PCDHA11: variants seen among roughly 807,000 people sequenced by gnomAD.
The protein encoded by PCDHA11 is protocadherin alpha 11.
In PCDHA11, 61 loss-of-function variants were observed where a neutral mutation model predicts 70.3. That is an observed-to-expected ratio of 0.87 (90% CI 0.71 to 1.07). PCDHA11 has a LOEUF of 1.07. Among genes scored for constraint, PCDHA11 ranks in the 50% least tolerant of loss-of-function variants. PCDHA11 has a pLI of 0.00. For missense variants in PCDHA11, 1,324 were observed against 1,237.5 expected, an observed-to-expected ratio of 1.07 and a Z score of -1.05; for synonymous variants, 633 against 555.1, an observed-to-expected ratio of 1.14 and a Z score of -1.97.
chr5:140,977,839 C>G (rs1400370638), intron 1 of PCDHA11, among the ~76,000 whole-genome samples: 1 of 152,176 alleles, frequency 6.6e-6, no homozygotes, highest in South Asian at 2.1e-4. Context: ...ATTGATATTA[C>G]TATGGCTTTG....
chr5:140,947,784 T>C (rs2094176527), intron 1 of PCDHA11, among the ~76,000 whole-genome samples: 1 of 151,672 alleles, frequency 6.6e-6, no homozygotes, highest in Non-Finnish European at 1.5e-5. Context: ...AAATGGATTT[T>C]AAACAGACTT....
chr5:140,983,270 GGGT>G (rs1349296894), intron 3 of PCDHA11, among the ~76,000 whole-genome samples: 4 of 152,152 alleles, frequency 2.6e-5, no homozygotes, highest in Non-Finnish European at 2.9e-5. Flanking sequence ...CCTAATGGCT[GGGT>G]GAGTATAGGA....
intron 3 of PCDHA11, among the ~76,000 whole-genome samples, chr5:140,998,586 CAG>C (rs1340236276): frequency 1.4e-5 from 2 of 147,292 alleles, no homozygotes; most frequent in African/African-American, 5.1e-5. Context: ...TTTTTTGAGA[CAG>C]AGTTTTGCTC....
chr5:140,884,818 T>C (rs1298208791), intron 1 of PCDHA11: 1 of 1,050,614 alleles, frequency 9.5e-7, no homozygotes, highest in Non-Finnish European at 1.3e-6. Context: ...CTGTGGACAT[T>C]ATGTGTTGGA....
rs559205841 is a variant in PCDHA11 at position 140,922,691 on chromosome 5, C to G, written c.2391+51197C>G. On this transcript the variant is annotated intron_variant, in intron 1 of 3. Coordinates refer to ENST00000398640, the MANE Select transcript of PCDHA11 (RefSeq NM_018902.5). ...GCAGTAAAAAAGTGAACAGGCTCTGCTTCCATACAGTCAAGAACAAAAAGA... is the reference window on the plus strand; with the variant it reads ...GCAGTAAAAAAGTGAACAGGCTCTGGTTCCATACAGTCAAGAACAAAAAGA... 2.0e-4 allele frequency among the ~76,000 whole-genome samples: 30 copies of G among 152,262 alleles called. No individual in the cohort carries two copies. In the South Asian group the frequency reaches 6.0e-3, roughly 31 times the overall value.
At chr5:140,905,855 A>G (rs1297642648) in intron 1 of PCDHA11, among the ~76,000 whole-genome samples, 1 of 152,128 alleles carries the variant, frequency 6.6e-6, no homozygotes, top group East Asian at 1.9e-4. Context: ...AGGAGTATTA[A>G]CTCACACAAT....
intron 1 of PCDHA11, chr5:140,967,704 G>A: frequency 6.2e-7 from 1 of 1,614,196 alleles, no homozygotes; most frequent in Non-Finnish European, 8.5e-7. Context: ...ATAGATGCCA[G>A]TACCGGGGAA....
chr5:140,929,715 T>A, intron 1 of PCDHA11: 1 of 230,486 alleles, frequency 4.3e-6, no homozygotes, highest in East Asian at 9.8e-5. Flanking sequence ...ATATGGAAGG[T>A]GAAACATTTA....
intron 3 of PCDHA11, among the ~76,000 whole-genome samples, chr5:141,006,369 G>A (rs2098270445): frequency 1.3e-5 from 2 of 151,784 alleles, no homozygotes; most frequent in Admixed American, 6.6e-5. Context: ...CCACCACCAC[G>A]CCCGGCTAAG....
intron 1 of PCDHA11, among the ~76,000 whole-genome samples, chr5:140,950,208 C>G (rs1377059178): frequency 1.3e-5 from 2 of 151,900 alleles, no homozygotes; most frequent in Non-Finnish European, 2.9e-5. Context: ...TTCTGTTTAC[C>G]TAGTCATTTA....
intron 1 of PCDHA11, 105 bp downstream of exon 1, chr5:140,871,599 T>G: frequency 1.4e-6 from 2 of 1,447,906 alleles, no homozygotes; most frequent in Non-Finnish European, 1.8e-6. Flanking sequence ...GAATAACCAG[T>G]GTTTTGAATA....
Position 140,900,863 on chromosome 5 carries a change from G to A in PCDHA11, c.2391+29369G>A, listed in dbSNP as rs116648446. 4.1e-3 allele frequency among the ~76,000 whole-genome samples: 626 copies of A among 152,044 alleles called. 2 individuals are homozygous for A. Among genetic ancestry groups the A allele is most frequent in the African/African-American group, 0.014 (595 of 41,452 alleles). Reference sequence around the variant, plus strand: ...AGTTTCCCTTTTTTTCACCTCTCCAGCATTTTTTATTGCCTGTCATTTGGA... The same window carrying A: ...AGTTTCCCTTTTTTTCACCTCTCCAACATTTTTTATTGCCTGTCATTTGGA... On this transcript the variant is annotated intron_variant, in intron 1 of 3. Transcript: ENST00000398640.
intron 1 of PCDHA11, among the ~76,000 whole-genome samples, chr5:140,893,672 T>G (rs1554185735): frequency 6.6e-6 from 1 of 152,216 alleles, no homozygotes; most frequent in African/African-American, 2.4e-5. Flanking sequence ...ATTTCAGCAC[T>G]TTGGATATAT....
intron 1 of PCDHA11, among the ~76,000 whole-genome samples, chr5:140,921,582 A>G (rs1451313725): frequency 6.6e-6 from 1 of 152,200 alleles, no homozygotes; most frequent in Non-Finnish European, 1.5e-5. Context: ...AGCTCATACT[A>G]TATTATGGTT....
chr5:140,947,103 G>A (rs1355984234), intron 1 of PCDHA11, among the ~76,000 whole-genome samples: 1 of 151,176 alleles, frequency 6.6e-6, no homozygotes, highest in Admixed American at 6.6e-5. Flanking sequence ...CCATAAATAG[G>A]TACGTGTCAA....
At chr5:140,921,868 T>C (rs1037750056) in intron 1 of PCDHA11, among the ~76,000 whole-genome samples, 1 of 152,016 alleles carries the variant, frequency 6.6e-6, no homozygotes, top group Non-Finnish European at 1.5e-5. Context: ...ATATATACAG[T>C]ATATATATAA....
chr5:140,955,001 A>G (rs551398126), intron 1 of PCDHA11, among the ~76,000 whole-genome samples: 101 of 152,200 alleles, frequency 6.6e-4, no homozygotes, highest in Middle Eastern at 6.8e-3. Flanking sequence ...TGGCTAGCCA[A>G]TTCTCCCAGC....
intron 1 of PCDHA11, among the ~76,000 whole-genome samples, chr5:140,941,223 C>CTT (rs1276732463): frequency 3.0e-5 from 4 of 132,446 alleles, no homozygotes; most frequent in African/African-American, 1.2e-4. Context: ...TCCTTTCTTT[C>CTT]TTTCTTTCTT....
intron 1 of PCDHA11, among the ~76,000 whole-genome samples, chr5:140,941,202 C>CTTTCCTTCTTT (rs1554213921): frequency 8.1e-6 from 1 of 122,742 alleles, no homozygotes; most frequent in Non-Finnish European, 1.8e-5. Flanking sequence ...TTTCTTTCTT[C>CTTTCCTTCTTT]CTTTCTTTCT....
Sources: gnomAD v4.1 joint callset for allele counts (sites outside exome capture counted in the v4.1 genomes callset) on GRCh38, gnomAD v4.1.1 for gene constraint, MANE v1.5 for transcripts, NCBI Gene and HGNC (gene_info 2026-07-23, HGNC 2026-07-21) for gene names.